Variants in UGT1A10 observed in about 807,000 individuals in gnomAD.
UGT1A10 encodes the protein UDP-glucuronosyltransferase 1A10.
UGT1A10 carries 49 observed loss-of-function variants against 45.8 expected under a neutral mutation model. The observed-to-expected ratio is 1.07, with a 90% CI of 0.85 to 1.36. UGT1A10 has a LOEUF of 1.36. Ranked by LOEUF, UGT1A10 falls within the 40% of genes most tolerant of loss-of-function variation. UGT1A10 has a pLI of 0.00. For missense variants in UGT1A10, 745 were observed against 668.6 expected, an observed-to-expected ratio of 1.11 and a Z score of -1.26; for synonymous variants, 284 against 249.7, an observed-to-expected ratio of 1.14 and a Z score of -1.29.
At chr2:233,749,855 C>G (rs1694286489) in intron 1 of UGT1A10, among the ~76,000 whole-genome samples, 1 of 151,986 alleles carries the variant, frequency 6.6e-6, no homozygotes, top group Non-Finnish European at 1.5e-5. Flanking sequence ...GCCTCTCTCT[C>G]ACTTTCTGCC....
At chr2:233,716,382 C>T (rs2076502409) in intron 1 of UGT1A10, among the ~76,000 whole-genome samples, 3 of 152,170 alleles carry the variant, frequency 2.0e-5, no homozygotes, top group Admixed American at 2.0e-4. Context: ...TTCTGCCTAC[C>T]ACAGACACTA....
At chr2:233,757,543 T>TACATATACATATAC (rs1320189051) in intron 1 of UGT1A10, among the ~76,000 whole-genome samples, 2 of 117,340 alleles carry the variant, frequency 1.7e-5, no homozygotes, top group African/African-American at 7.1e-5. Flanking sequence ...GGAATATATA[T>TACATATACATATAC]ATATATATAT....
intron 1 of UGT1A10, among the ~76,000 whole-genome samples, chr2:233,642,887 ACTCTCTCT>A (rs143675434): frequency 9.1e-5 from 13 of 142,742 alleles, no homozygotes; most frequent in Admixed American, 3.5e-4. Flanking sequence ...TCTCTCTCTC[ACTCTCTCT>A]CTCTCTCTCT....
intron 1 of UGT1A10, among the ~76,000 whole-genome samples, chr2:233,728,656 G>A (rs187762667): frequency 2.0e-5 from 3 of 152,180 alleles, no homozygotes; most frequent in African/African-American, 4.8e-5. Flanking sequence ...TTTTGGATGC[G>A]CTGCGTTACT....
intron 1 of UGT1A10, among the ~76,000 whole-genome samples, chr2:233,707,570 G>A (rs1253760996): frequency 6.9e-6 from 1 of 143,972 alleles, no homozygotes; most frequent in Admixed American, 7.0e-5. Context: ...CCTTATGTTT[G>A]AGAGATTCAT....
rs770883719 is a variant in UGT1A10 at position 233,636,630 on chromosome 2, T to A, written c.108T>A (p.Ser36Arg). The change falls in exon 1 of 5, where the codon AGT (serine) becomes AGA (arginine). Residue 36 changes from serine (S) to arginine (R), a missense_variant. Physicochemically the swap from Ser to Arg is moderately radical, Grantham distance 110. Transcript: ENST00000344644. ...TGCTGGTAGTGCCCATGGATGGGAGTCACTGGTTCACCATGCAGTCGGTGG... is the reference window on the plus strand; with the variant it reads ...TGCTGGTAGTGCCCATGGATGGGAGACACTGGTTCACCATGCAGTCGGTGG... ...GKLLVVPMDG[S>R]HWFTMQSVVE... The A allele has an allele frequency of 6.2e-7, 1 of 1,613,990 alleles. No homozygotes were observed. The highest frequency in any genetic ancestry group is 1.7e-5 in the Admixed American group (1 of 60,008).
chr2:233,636,630 T>C lies in UGT1A10; in HGVS notation c.108T>C (p.Ser36=). 2.5e-6 allele frequency: 4 copies of C among 1,613,990 alleles called. No individual in the cohort carries two copies. The highest frequency in any genetic ancestry group is 3.4e-6 in the Non-Finnish European group (4 of 1,179,984). The stretch of plus-strand genomic sequence containing the variant: ...TGCTGGTAGTGCCCATGGATGGGAG[T>C]CACTGGTTCACCATGCAGTCGGTGG... ...GKLLVVPMDG[S]HWFTMQSVVE... The change falls in exon 1 of 5, where the codon AGT becomes AGC. Residue 36 remains serine, a synonymous_variant. Coordinates refer to ENST00000344644, the MANE Select transcript of UGT1A10 (RefSeq NM_019075.4).
intron 1 of UGT1A10, among the ~76,000 whole-genome samples, chr2:233,731,386 C>A (rs2125763293): frequency 6.6e-6 from 1 of 152,052 alleles, no homozygotes; most frequent in Admixed American, 6.6e-5. Flanking sequence ...CCTGCACCCA[C>A]CAACTCGTCA....
chr2:233,637,387 C>G lies in UGT1A10; in HGVS notation c.855+10C>G. 6.2e-7 allele frequency: 1 copy of G among 1,609,644 alleles called. No homozygotes were observed. Among genetic ancestry groups the G allele is most frequent in the Non-Finnish European group, 8.5e-7 (1 of 1,177,034 alleles). On this transcript the variant is annotated intron_variant, in intron 1 of 4. Coordinates refer to ENST00000344644, the MANE Select transcript of UGT1A10 (RefSeq NM_019075.4). ...AAAGCCATTGCCTATGGTAAGTCAC[C>G]TCTCCTTTAGCACATTAAGAATAAT... is the stretch of plus-strand genomic sequence containing the variant.
chr2:233,697,942 A>G (rs539940045), intron 1 of UGT1A10, among the ~76,000 whole-genome samples: 1 of 152,382 alleles, frequency 6.6e-6, no homozygotes, highest in South Asian at 2.1e-4. Context: ...GGAAAAAAGT[A>G]AATGAAAGCT....
chr2:233,652,088 C>T (rs1204959928), intron 1 of UGT1A10, among the ~76,000 whole-genome samples: 1 of 152,134 alleles, frequency 6.6e-6, no homozygotes, highest in African/African-American at 2.4e-5. Context: ...TTCAGGATTA[C>T]TCTTTACCAT....
Position 233,703,642 on chromosome 2 carries a change from A to G in UGT1A10, c.856-63392A>G, listed in dbSNP as rs548385935. 7.9e-5 allele frequency among the ~76,000 whole-genome samples: 12 copies of G among 152,246 alleles called. No individual in the cohort carries two copies. In the South Asian group the frequency reaches 2.5e-3, roughly 32 times the overall value. On this transcript the variant is annotated intron_variant, in intron 1 of 4. Transcript: ENST00000344644. ...TATTTTATCTGATATTAGTATAACCAATCTGCATTTCTTTTGGTTGCTGTT... is the reference window on the plus strand; with the variant it reads ...TATTTTATCTGATATTAGTATAACCGATCTGCATTTCTTTTGGTTGCTGTT...
intron 1 of UGT1A10, among the ~76,000 whole-genome samples, chr2:233,653,409 G>A (rs1305797613): frequency 6.6e-6 from 1 of 152,022 alleles, no homozygotes; most frequent in Admixed American, 6.5e-5. Flanking sequence ...TAAAGTAATA[G>A]GTTAAAAAAG....
chr2:233,717,649 C>A, intron 1 of UGT1A10: 2 of 403,236 alleles, frequency 5.0e-6, no homozygotes, highest in South Asian at 3.6e-5. Flanking sequence ...GCGACCAGGA[C>A]AAGGAAGCAT....
intron 1 of UGT1A10, among the ~76,000 whole-genome samples, chr2:233,724,596 C>G (rs202203863): frequency 0.33 from 37,419 of 112,546 alleles, 7,358 homozygotes; most frequent in African/African-American, 0.51. Context: ...ACATCTCAGA[C>G]GATGGGCGGC....
chr2:233,748,222 C>T (rs1693896902), intron 1 of UGT1A10: 2 of 1,443,838 alleles, frequency 1.4e-6, no homozygotes, highest in Non-Finnish European at 1.9e-6. Flanking sequence ...GTGAGATAAA[C>T]TGTTAAGGGG....
chr2:233,697,115 C>G (rs1237867700), intron 1 of UGT1A10, among the ~76,000 whole-genome samples: 1 of 151,998 alleles, frequency 6.6e-6, no homozygotes, highest in Non-Finnish European at 1.5e-5. Flanking sequence ...GAAGTATTCT[C>G]TCCTCTTCAT....
chr2:233,650,840 G>T (rs1012481405), intron 1 of UGT1A10, among the ~76,000 whole-genome samples: 3 of 152,058 alleles, frequency 2.0e-5, no homozygotes, highest in Non-Finnish European at 4.4e-5. Flanking sequence ...TGAAATCCAT[G>T]CTTAAGTTTT....
chr2:233,725,911 A>G (rs1258328024), intron 1 of UGT1A10, among the ~76,000 whole-genome samples: 2 of 152,166 alleles, frequency 1.3e-5, no homozygotes. Flanking sequence ...CACACCTGCA[A>G]TTTCAGCCCT....
Sources: gnomAD v4.1 joint callset for allele counts (sites outside exome capture counted in the v4.1 genomes callset) on GRCh38, gnomAD v4.1.1 for gene constraint, MANE v1.5 for transcripts, NCBI Gene and HGNC (gene_info 2026-07-23, HGNC 2026-07-21) for gene names.